Variants in TINAG observed in about 807,000 individuals in gnomAD.
The protein encoded by TINAG is tubulointerstitial nephritis antigen.
Under a neutral mutation model 72.7 loss-of-function variants are expected in TINAG, and 83 were observed. The observed-to-expected ratio is 1.14, with a 90% CI of 0.96 to 1.37. The LOEUF (loss-of-function observed/expected upper bound fraction) is 1.37. TINAG is among the 40% of genes most tolerant of loss of function. The pLI, the probability that TINAG is intolerant of heterozygous loss-of-function variation, is 0.00. For synonymous variants in TINAG, 234 were observed against 189.9 expected (o/e 1.23, Z -1.91); for missense variants, 685 against 576.6 (o/e 1.19, Z -1.93).
At chr6:54,342,579 A>G (rs1030441873) in intron 4 of TINAG, among the ~76,000 whole-genome samples, 6 of 152,100 alleles carry the variant, frequency 3.9e-5, no homozygotes, top group Non-Finnish European at 5.9e-5. Context: ...CATGTTGGCC[A>G]GGCTGGTCTC....
chr6:54,340,687 G>A (rs1010122732), intron 4 of TINAG, among the ~76,000 whole-genome samples: 3 of 152,078 alleles, frequency 2.0e-5, no homozygotes, highest in Non-Finnish European at 4.4e-5. Context: ...TAAAAATCTT[G>A]AAAATCCAAC....
At chr6:54,338,546 C>A (rs886726510) in intron 4 of TINAG, among the ~76,000 whole-genome samples, 1 of 151,654 alleles carries the variant, frequency 6.6e-6, no homozygotes, top group East Asian at 1.9e-4. Flanking sequence ...ACGGTGAAAC[C>A]CCGTTTGTAC....
Position 54,389,989 on chromosome 6 carries a change from A to T in TINAG, c.*64A>T. The T allele has an allele frequency of 1.9e-6, 3 of 1,574,446 alleles. No individual in the cohort carries two copies. Among genetic ancestry groups the T allele is most frequent in the Non-Finnish European group, 2.6e-6 (3 of 1,164,092 alleles). On this transcript the variant is annotated 3_prime_UTR_variant, in exon 11 of 11. Coordinates refer to ENST00000259782, the MANE Select transcript of TINAG (RefSeq NM_014464.4). ...ACCCCCTAAATTGAAGTTTAGCAAT[A>T]TGACATTCTTGGTGACAGTGGAATC...
At chr6:54,371,351 T>C (rs1763601211) in intron 9 of TINAG, among the ~76,000 whole-genome samples, 1 of 152,062 alleles carries the variant, frequency 6.6e-6, no homozygotes, top group African/African-American at 2.4e-5. Flanking sequence ...TAAGTTTCCC[T>C]CTGTCTTATT....
chr6:54,354,762 T>C, intron 9 of TINAG, 126 bp downstream of exon 9: 1 of 1,078,320 alleles, frequency 9.3e-7, no homozygotes, highest in Non-Finnish European at 1.3e-6. Context: ...AAAAATGATC[T>C]AAACCTTGCC....
At chr6:54,338,496 C>T (rs541767085) in intron 4 of TINAG, among the ~76,000 whole-genome samples, 5 of 151,872 alleles carry the variant, frequency 3.3e-5, no homozygotes, top group South Asian at 2.1e-4. Context: ...CCGAGGTGGG[C>T]GGATCACAAG....
intron 4 of TINAG, among the ~76,000 whole-genome samples, chr6:54,339,499 A>G (rs549805589): frequency 6.6e-6 from 1 of 152,324 alleles, no homozygotes; most frequent in East Asian, 1.9e-4. Context: ...AAGCTACTTT[A>G]CATTCCACAG....
At chr6:54,349,661 G>A (rs1785212266) in intron 6 of TINAG, 55 bp from the exon 7 acceptor site, 1 of 1,378,010 alleles carries the variant, frequency 7.3e-7, no homozygotes, top group South Asian at 1.6e-5. Context: ...ATATAAAAAG[G>A]ATATTACGAC....
rs143875210 is a variant in TINAG, at chr6:54,319,405, G to A, written c.356-1174G>A. 3.9e-3 allele frequency among the ~76,000 whole-genome samples: 597 copies of A among 152,140 alleles called. 5 individuals carry two copies. Among genetic ancestry groups the A allele is most frequent in the African/African-American group, 0.013 (525 of 41,500 alleles). ...GTGAAGTTCAGTCTTCCTACATCTC[G>A]GGTTTGCTGCATTAGGAAAACTGTG... is the stretch of plus-strand genomic sequence containing the variant. On this transcript the variant is annotated intron_variant, in intron 1 of 10. Coordinates refer to ENST00000259782, the MANE Select transcript of TINAG (RefSeq NM_014464.4).
chr6:54,357,805 G>C (rs1763100271), intron 9 of TINAG, among the ~76,000 whole-genome samples: 1 of 151,848 alleles, frequency 6.6e-6, no homozygotes, highest in Admixed American at 6.6e-5. Flanking sequence ...TTCGCTCCTT[G>C]ACAGTCTAGT....
chr6:54,366,569 T>C (rs748220656), intron 9 of TINAG, among the ~76,000 whole-genome samples: 8 of 148,220 alleles, frequency 5.4e-5, no homozygotes, highest in Non-Finnish European at 1.2e-4. Context: ...GCCTCTGTCC[T>C]CAGCATCGAG....
intron 1 of TINAG, among the ~76,000 whole-genome samples, chr6:54,312,224 AT>A (rs370140461): frequency 1.6e-4 from 25 of 151,662 alleles, no homozygotes; most frequent in Middle Eastern, 3.4e-3. Flanking sequence ...ATGCCTGGCT[AT>A]TTTTTTGCAT....
intron 4 of TINAG, among the ~76,000 whole-genome samples, chr6:54,327,681 G>A (rs1361491143): frequency 6.6e-6 from 1 of 152,086 alleles, no homozygotes; most frequent in East Asian, 1.9e-4. Context: ...CCCCCGCAGA[G>A]CCCAGCAAAC....
chr6:54,352,449 A>G (rs1290391299), intron 8 of TINAG, among the ~76,000 whole-genome samples: 1 of 151,830 alleles, frequency 6.6e-6, no homozygotes, highest in African/African-American at 2.4e-5. Context: ...ATGGGACATT[A>G]CCCAAAACCT....
At chr6:54,322,264 C>A (rs540974295) in intron 3 of TINAG, among the ~76,000 whole-genome samples, 1 of 151,878 alleles carries the variant, frequency 6.6e-6, no homozygotes, top group African/African-American at 2.4e-5. Context: ...GCCGAGATTG[C>A]GCCACTGCAC....
At chr6:54,379,915 T>C (rs1451115368) in intron 9 of TINAG, among the ~76,000 whole-genome samples, 1 of 152,148 alleles carries the variant, frequency 6.6e-6, no homozygotes, top group African/African-American at 2.4e-5. Flanking sequence ...TTTCTCCTAA[T>C]GCTATCCCTC....
At chr6:54,335,911 A>G (rs1412407385) in intron 4 of TINAG, among the ~76,000 whole-genome samples, 1 of 152,068 alleles carries the variant, frequency 6.6e-6, no homozygotes, top group East Asian at 1.9e-4. Flanking sequence ...GAAAATTTCC[A>G]TGCACCTCCT....
At chr6:54,343,100 T>A in intron 4 of TINAG, 126 bp from the exon 5 acceptor site, 3 of 814,766 alleles carry the variant, frequency 3.7e-6, no homozygotes, top group Non-Finnish European at 5.0e-6. Context: ...TAGCTGTAGT[T>A]CATCTGGAAA....
chr6:54,341,353 T>C (rs1218279904), intron 4 of TINAG, among the ~76,000 whole-genome samples: 1 of 152,154 alleles, frequency 6.6e-6, no homozygotes, highest in African/African-American at 2.4e-5. Flanking sequence ...CCTAAGATTC[T>C]GCAATGCAGT....
Sources: allele counts gnomAD v4.1 joint callset (sites outside exome capture counted in the v4.1 genomes callset), GRCh38; gene constraint gnomAD v4.1.1; transcripts MANE v1.5; gene names NCBI Gene and HGNC (gene_info 2026-07-23, HGNC 2026-07-21).